The following GPM6A variants were observed in gnomAD, a reference collection of about 807,000 sequenced individuals.
The protein encoded by GPM6A is neuronal membrane glycoprotein M6-a.
In GPM6A, 7 loss-of-function variants were observed where a neutral mutation model predicts 32.1. The ratio of observed to expected loss-of-function variants is 0.22; its 90% CI spans 0.12 to 0.41. GPM6A has a LOEUF of 0.41. GPM6A is among the 10% of genes least tolerant of loss of function. GPM6A has a pLI of 1.00. For synonymous variants in GPM6A, 130 were observed against 123.4 expected (o/e 1.05, Z -0.35); for missense variants, 235 against 347.2 (o/e 0.68, Z 2.57).
intron 1 of GPM6A, among the ~76,000 whole-genome samples, chr4:175,754,775 T>C (rs958739820): frequency 1.3e-5 from 2 of 152,060 alleles, no homozygotes; most frequent in African/African-American, 4.8e-5. Context: ...AAATTATTTA[T>C]CTAATTAAAA....
At position 175,737,422 on chromosome 4, in the gene GPM6A, G is replaced by A. The variant is rs144445716; in HGVS notation, c.38-35655C>T. The stretch of plus-strand genomic sequence containing the variant: ...CTCAGGAGGCTGAGGCAGGAGAATC[G>A]CTTGAACCTGGGAAGTGAAGGTTCC... On this transcript the variant is annotated intron_variant, in intron 1 of 6. Transcript: ENST00000393658. Among the ~76,000 whole-genome samples the A allele has an allele frequency of 2.1e-4, 32 of 151,972 alleles. 1 individual carries two copies. The highest frequency in any genetic ancestry group is 6.8e-4 in the African/African-American group (28 of 41,472).
At chr4:175,888,657 G>A (rs901656204) in intron 1 of GPM6A, among the ~76,000 whole-genome samples, 1 of 151,998 alleles carries the variant, frequency 6.6e-6, no homozygotes, top group Non-Finnish European at 1.5e-5. Context: ...ACTTTACTGA[G>A]AAAATTTTTA....
At chr4:176,001,369 T>G (rs1414227935) in intron 1 of GPM6A, among the ~76,000 whole-genome samples, 1 of 152,104 alleles carries the variant, frequency 6.6e-6, no homozygotes. Context: ...GAGCAGCATC[T>G]CCCCTGCGCC....
chr4:175,973,687 C>CT (rs1740573726), intron 1 of GPM6A, among the ~76,000 whole-genome samples: 2 of 152,192 alleles, frequency 1.3e-5, no homozygotes, highest in Non-Finnish European at 2.9e-5. Context: ...GCTCCCCTGG[C>CT]TAGCCTCTCA....
At chr4:175,962,381 C>G in intron 1 of GPM6A, 1 of 746,914 alleles carries the variant, frequency 1.3e-6, no homozygotes, top group Non-Finnish European at 2.5e-6. Context: ...TGCTGAGAGA[C>G]CACTCCACCC....
intron 6 of GPM6A, among the ~76,000 whole-genome samples, chr4:175,636,126 C>A (rs1740571290): frequency 6.6e-6 from 1 of 151,186 alleles, no homozygotes; most frequent in Non-Finnish European, 1.5e-5. Flanking sequence ...CTATAAATAA[C>A]CTATTTTTAG....
intron 1 of GPM6A, among the ~76,000 whole-genome samples, chr4:175,901,558 TA>T (rs1230843828): frequency 6.6e-6 from 1 of 151,778 alleles, no homozygotes; most frequent in East Asian, 1.9e-4. Context: ...AACTCTCATA[TA>T]TTTTTTGGTG....
intron 2 of GPM6A, among the ~76,000 whole-genome samples, chr4:175,676,637 G>T (rs535267617): frequency 2.1e-4 from 32 of 152,146 alleles, no homozygotes; most frequent in Admixed American, 7.9e-4. Flanking sequence ...TCCTAGCTAC[G>T]TGGGAGGCTG....
intron 1 of GPM6A, among the ~76,000 whole-genome samples, chr4:175,825,016 T>A (rs1459042928): frequency 1.3e-5 from 2 of 152,342 alleles, no homozygotes; most frequent in African/African-American, 4.8e-5. Flanking sequence ...TTTATTTAAG[T>A]CTTAACGCTT....
At chr4:175,986,423 C>T (rs540172200) in intron 1 of GPM6A, among the ~76,000 whole-genome samples, 1 of 152,102 alleles carries the variant, frequency 6.6e-6, no homozygotes, top group African/African-American at 2.4e-5. Context: ...ATAGTCCCAG[C>T]TACTCAGGAG....
chr4:175,661,681 A>C (rs561445127), intron 3 of GPM6A, among the ~76,000 whole-genome samples: 2 of 152,290 alleles, frequency 1.3e-5, no homozygotes, highest in African/African-American at 4.8e-5. Context: ...ATGTTGGTAC[A>C]TCTCTTCATA....
intron 1 of GPM6A, among the ~76,000 whole-genome samples, chr4:175,837,518 G>A (rs184355820): frequency 3.3e-5 from 5 of 152,292 alleles, no homozygotes; most frequent in Admixed American, 2.6e-4. Flanking sequence ...AACCAAAAGA[G>A]GGGCTGTGGG....
At chr4:175,648,113 C>CTT (rs149725391) in intron 4 of GPM6A, among the ~76,000 whole-genome samples, 62 of 151,466 alleles carry the variant, frequency 4.1e-4, no homozygotes, top group African/African-American at 1.5e-3. Context: ...ACATTCTTTT[C>CTT]TTTTTTTAAA....
At position 175,888,513 on chromosome 4, in the gene GPM6A, G is replaced by T. The variant is rs138224103; in HGVS notation, c.-22-76264C>A. The stretch of plus-strand genomic sequence containing the variant: ...TTAATCTATTATAGCAAATCCGAAA[G>T]AACACACATTATACATTAGCAAATG... On this transcript the variant is annotated intron_variant, in intron 1 of 7. Coordinates refer to the GPM6A transcript ENST00000280187. Among the ~76,000 whole-genome samples, 755 of 152,078 alleles carry T rather than the reference G, an allele frequency of 5.0e-3. 3 individuals carry two copies. Among genetic ancestry groups the T allele is most frequent in the Non-Finnish European group, 8.2e-3 (557 of 67,882 alleles).
intron 1 of GPM6A, among the ~76,000 whole-genome samples, chr4:175,767,077 GGAC>G (rs1309209224): frequency 2.6e-5 from 4 of 152,110 alleles, no homozygotes; most frequent in Non-Finnish European, 5.9e-5. Context: ...TAAAACGTAA[GGAC>G]TACTGCTCTT....
intron 1 of GPM6A, among the ~76,000 whole-genome samples, chr4:175,842,692 C>A (rs1735977149): frequency 6.6e-6 from 1 of 152,072 alleles, no homozygotes; most frequent in Non-Finnish European, 1.5e-5. Context: ...TGAGTGAGAT[C>A]CTGTGTCTAA....
At position 175,633,458 on chromosome 4, in the gene GPM6A, T is replaced by C. The variant is rs961150600; in HGVS notation, c.*1447A>G. ...ATTGTACAAAGATTGTTTCACTCAA[T>C]AAATTTTTATTAGAAATGCAGTTAC... On this transcript the variant is annotated 3_prime_UTR_variant, in exon 7 of 7. Transcript: ENST00000393658. 6.6e-6 allele frequency: 1 copy of C among 152,468 alleles called. No homozygotes were observed. The highest frequency in any genetic ancestry group is 1.5e-5 in the Non-Finnish European group (1 of 67,914). 9.4% of individuals were successfully genotyped at this position (152,468 alleles called of 1,614,324 possible).
At chr4:175,916,292 T>C (rs1470748699) in intron 1 of GPM6A, among the ~76,000 whole-genome samples, 1 of 152,212 alleles carries the variant, frequency 6.6e-6, no homozygotes, top group African/African-American at 2.4e-5. Flanking sequence ...TACAAAAGTC[T>C]ACCTTTCTGT....
chr4:175,712,302 C>T (rs1420061068), intron 1 of GPM6A, among the ~76,000 whole-genome samples: 1 of 152,156 alleles, frequency 6.6e-6, no homozygotes. Flanking sequence ...CTCTTACAGC[C>T]CCCACTACCT....
Sources: gnomAD v4.1 joint callset for allele counts (sites outside exome capture counted in the v4.1 genomes callset) on GRCh38, gnomAD v4.1.1 for gene constraint, MANE v1.5 for transcripts, NCBI Gene and HGNC (gene_info 2026-07-23, HGNC 2026-07-21) for gene names.